Variants in MYH3 observed in about 807,000 individuals in gnomAD.
MYH3 encodes myosin heavy chain 3.
A neutral mutation model predicts 238.0 loss-of-function variants in MYH3; 130 were observed. The observed-to-expected ratio is 0.55, with a 90% confidence interval of 0.47 to 0.63. The LOEUF is 0.63. Ranked by LOEUF, MYH3 falls within the 30% of genes least tolerant of loss-of-function variation. MYH3 has a pLI of 0.00. For missense variants in MYH3, 1,853 were observed against 2,374.9 expected (o/e 0.78, Z 4.57); for synonymous variants, 880 against 924.1 (o/e 0.95, Z 0.86).
At chr17:10,663,608 C>T in the MYH3 span, among the ~76,000 whole-genome samples, 2 of 151,742 alleles carry the variant, frequency 1.3e-5, no homozygotes, top group Non-Finnish European at 2.9e-5. Flanking sequence ...ATGGATTTCT[C>T]GAAGGGTCCT....
Position 10,638,379 on chromosome 17 carries a change from C to G in MYH3, c.3393G>C (p.Ala1131=), listed in dbSNP as rs767069738. The G allele has an allele frequency of 6.2e-7, 1 of 1,604,044 alleles. No homozygotes were observed. The highest frequency in any genetic ancestry group is 1.1e-5 in the South Asian group (1 of 91,080). The change falls in exon 27 of 41, where the codon GCG becomes GCC. Residue 1131 remains alanine (A), a synonymous_variant. Coordinates refer to ENST00000583535, the MANE Select transcript of MYH3 (RefSeq NM_002470.4). ...AGTCGCTGCGCTGTTTCTCTGTCTT[C>G]GCGCGGGTGGCCCTCTCCGCCTCTA... The part of the protein sequence containing the change: ...EEIEAERATR[A]KTEKQRSDYA...
intron 2 of MYH3, among the ~76,000 whole-genome samples, chr17:10,655,754 C>T (rs149174469): frequency 1.3e-5 from 2 of 152,108 alleles, no homozygotes; most frequent in Non-Finnish European, 2.9e-5. Context: ...CAGGTTCAAG[C>T]GATACTCCTG....
rs776701589 is a variant in MYH3, at chr17:10,638,354, A to G, written c.3418T>C (p.Tyr1140His). The change falls in exon 27 of 41, where the codon TAT (tyrosine) becomes CAT (histidine). Residue 1140 changes from tyrosine (Y) to histidine (H), a missense_variant. Physicochemically the swap from Tyr to His is moderately conservative, Grantham distance 83 (BLOSUM62 2). This residue lies in a region of MYH3 where 1,044 missense variants were observed against 1,192.6 expected (regional missense o/e 0.88). Coordinates refer to ENST00000583535, the MANE Select transcript of MYH3 (RefSeq NM_002470.4). Reference sequence around the variant, plus strand: ...CTCAGCTCCTCCAGCTCCCGGGCATAGTCGCTGCGCTGTTTCTCTGTCTTC... The same window carrying G: ...CTCAGCTCCTCCAGCTCCCGGGCATGGTCGCTGCGCTGTTTCTCTGTCTTC... ...RAKTEKQRSD[Y>H]ARELEELSER... The G allele has an allele frequency of 6.2e-7, 1 of 1,609,122 alleles. No individual in the cohort carries two copies.
At chr17:10,673,826 G>A in the MYH3 span, 4 of 152,214 alleles carry the variant, frequency 2.6e-5, no homozygotes, top group Non-Finnish European at 5.9e-5. Flanking sequence ...TTGGTATACT[G>A]TGCTGAATAG....
chr17:10,673,926 TGA>T, the MYH3 span: 4 of 152,262 alleles, frequency 2.6e-5, no homozygotes, highest in Admixed American at 2.0e-4. Context: ...TTTGTTTATT[TGA>T]GAGACTCTTC....
At chr17:10,667,571 C>T in the MYH3 span, among the ~76,000 whole-genome samples, 1 of 151,388 alleles carries the variant, frequency 6.6e-6, no homozygotes, top group African/African-American at 2.4e-5. Context: ...GTCCCAGCTA[C>T]TTGGGATGCT....
At chr17:10,667,909 T>A in the MYH3 span, among the ~76,000 whole-genome samples, 1 of 152,096 alleles carries the variant, frequency 6.6e-6, no homozygotes, top group South Asian at 2.1e-4. Flanking sequence ...TTGAACCATA[T>A]AAATGGTTTA....
In MYH3 at chr17:10,652,442, C is replaced by T. The variant is rs773615398; in HGVS notation, c.326G>A (p.Arg109His). ...GACATAGATCATCCAAGATGTGTAA[C>T]GGTCCTTCAGGTTGTACAGCACGGC... ...EPAVLYNLKD[R>H]YTSWMIYTYS... Residue 109 changes from arginine (R) to histidine (H), a missense_variant, in exon 4 of 41, where the codon CGT becomes CAT. By Grantham distance (29) the Arg-to-His change is conservative. This residue lies in a region of MYH3 where 678 missense variants were observed against 1,058.9 expected (regional missense o/e 0.64). Coordinates refer to ENST00000583535, the MANE Select transcript of MYH3 (RefSeq NM_002470.4). 1 of 1,613,992 alleles carries T rather than the reference C, an allele frequency of 6.2e-7. No homozygotes were observed. The highest frequency in any genetic ancestry group is 8.5e-7 in the Non-Finnish European group (1 of 1,180,004).
chr17:10,638,143 T>A lies in MYH3; in HGVS notation c.3629A>T (p.Asn1210Ile). Residue 1210 changes from asparagine (N) to isoleucine (I), a missense_variant, in exon 27 of 41, where the codon AAC becomes ATC. Around this residue, in one of 3 missense-constraint regions of MYH3, gnomAD observed 1,044 missense variants for 1,192.6 expected, o/e 0.88. Transcript: ENST00000583535. The stretch of plus-strand genomic sequence containing the variant: ...CAGCTTCTGCTTGACCCGCTGCAGG[T>A]TGTCAATCTGCTCCCCAAGCTCGGC... ...SVAELGEQID[N>I]LQRVKQKLEK... 1 of 1,613,650 alleles carries A rather than the reference T, an allele frequency of 6.2e-7. No homozygotes were observed. Among genetic ancestry groups the A allele is most frequent in the Non-Finnish European group, 8.5e-7 (1 of 1,179,924 alleles).
intron 8 of MYH3, 136 bp from the exon 9 acceptor site, chr17:10,647,562 T>C: frequency 1.1e-6 from 1 of 944,784 alleles, no homozygotes; most frequent in Non-Finnish European, 1.6e-6. Context: ...TGTTATGTTT[T>C]TGAGACGGAG....
At chr17:10,652,298 G>T in intron 4 of MYH3, 122 bp downstream of exon 4, 1 of 1,248,146 alleles carries the variant, frequency 8.0e-7, no homozygotes, top group Non-Finnish European at 1.2e-6. Flanking sequence ...TTTGTGTTTT[G>T]TTCATCAGCT....
At position 10,642,745 on chromosome 17, in the gene MYH3, G is replaced by A; in HGVS notation, c.1582-22C>T. ...TAGGCTGGATTGAAGGCAAGGCAAA[G>A]TGCAGAGAGGTAAATATGAGCTGCA... is the stretch of plus-strand genomic sequence containing the variant. On this transcript the variant is annotated intron_variant, in intron 15 of 40. Coordinates refer to ENST00000583535, the MANE Select transcript of MYH3 (RefSeq NM_002470.4). The surrounding 1 kb of genome is among the most constrained non-coding windows in gnomAD (Gnocchi z 5.4). 6.2e-7 allele frequency: 1 copy of A among 1,614,218 alleles called. No homozygotes were observed. Among genetic ancestry groups the A allele is most frequent in the Non-Finnish European group, 8.5e-7 (1 of 1,180,048 alleles).
At chr17:10,656,727 A>G (rs943029909) in intron 1 of MYH3, among the ~76,000 whole-genome samples, 11 of 152,160 alleles carry the variant, frequency 7.2e-5, no homozygotes, top group African/African-American at 2.7e-4. Flanking sequence ...AGAATCGGAC[A>G]GCAGGGACCG....
intron 12 of MYH3, 149 bp downstream of exon 12, chr17:10,645,558 G>C (rs1321835592): frequency 1.0e-5 from 10 of 963,312 alleles, no homozygotes; most frequent in African/African-American, 1.6e-5. Flanking sequence ...CCTGACCTCA[G>C]GTGATCTGGC....
At position 10,635,867 on chromosome 17, in the gene MYH3, G is replaced by A. The variant is rs1420635450; in HGVS notation, c.3857-14C>T. ...GACTCAGCTCACCTGTGTCCAGAAG[G>A]AAATAGTTTCATTTCATTTATTCAC... On this transcript the variant is annotated splice_polypyrimidine_tract_variant and intron_variant, in intron 28 of 40. Coordinates refer to ENST00000583535, the MANE Select transcript of MYH3 (RefSeq NM_002470.4). 5 of 1,598,782 alleles carry A rather than the reference G, an allele frequency of 3.1e-6. No individual in the cohort carries two copies. The highest frequency in any genetic ancestry group is 1.7e-4 in the Middle Eastern group (1 of 6,048).
chr17:10,649,574 TACC>T lies in MYH3; in HGVS notation c.642_642+2del. ...AAAGCAAGCCTTCCTCTCCCATCTATACCTTCATTTTGGAGTCCTTCTTCTTGG... is the reference window on the plus strand; with the variant it reads ...AAAGCAAGCCTTCCTCTCCCATCTATTTCATTTTGGAGTCCTTCTTCTTGG... On this transcript the variant is annotated splice_donor_variant and coding_sequence_variant, in exon 7 of 41. Transcript: ENST00000583535. LOFTEE classifies it high-confidence loss of function. 1 of 1,611,364 alleles carries T rather than the reference TACC, an allele frequency of 6.2e-7. No homozygotes were observed. Among genetic ancestry groups the T allele is most frequent in the East Asian group, 2.2e-5 (1 of 44,872 alleles).
rs2074300245 is a variant in MYH3, at chr17:10,644,332, G to A, written c.1410+19C>T. ...CTCATATGAAGCCATATGAAAATAT[G>A]AATATAAGTAACACAAACCTCAAAG... On this transcript the variant is annotated intron_variant, in intron 14 of 40. Transcript: ENST00000583535. 2.5e-6 allele frequency: 4 copies of A among 1,610,458 alleles called. No homozygotes were observed. In the Admixed American group the frequency reaches 5.0e-5, roughly 20 times the overall value.
At chr17:10,646,312 T>A (rs2074320927) in intron 10 of MYH3, among the ~76,000 whole-genome samples, 1 of 152,118 alleles carries the variant, frequency 6.6e-6, no homozygotes, top group Admixed American at 6.5e-5. Context: ...CAGTGTCGGC[T>A]GGGAGAAGTT....
chr17:10,629,573 G>T (rs764281649), intron 40 of MYH3, 24 bp downstream of exon 40: 3 of 1,612,142 alleles, frequency 1.9e-6, no homozygotes, highest in Non-Finnish European at 2.5e-6. Context: ...CTGGGGGGGG[G>T]CTCCTCCCAG....
Sources: allele counts gnomAD v4.1 joint callset (sites outside exome capture counted in the v4.1 genomes callset), GRCh38; gene constraint gnomAD v4.1.1; regional missense constraint gnomAD v4.1.1; non-coding constraint Gnocchi (gnomAD v3.1); transcripts MANE v1.5; gene names NCBI Gene and HGNC (gene_info 2026-07-23, HGNC 2026-07-21).